Variants in LIFR observed in about 807,000 individuals in gnomAD.
LIFR encodes LIF receptor subunit alpha, also known as leukemia inhibitory factor receptor.
LIFR carries 84 observed loss-of-function variants against 122.2 expected under a neutral mutation model. That is an observed-to-expected ratio of 0.69 (90% CI 0.58 to 0.82). LIFR has a LOEUF of 0.82. LIFR is among the 40% of genes least tolerant of loss of function. LIFR has a pLI of 0.00. For synonymous variants in LIFR, 422 were observed against 434.7 expected, an observed-to-expected ratio of 0.97 and a Z score of 0.36; for missense variants, 1,294 against 1,311.6, an observed-to-expected ratio of 0.99 and a Z score of 0.21.
chr5:38,597,985 G>A (rs892746272), upstream of LIFR, among the ~76,000 whole-genome samples: 12 of 151,706 alleles, frequency 7.9e-5, no homozygotes, highest in Non-Finnish European at 1.6e-4. Flanking sequence ...GGGTGCTTGG[G>A]AAAATAATGT....
chr5:38,526,435 GTGTGTGTA>G (rs1290413433), intron 4 of LIFR, among the ~76,000 whole-genome samples: 8 of 150,494 alleles, frequency 5.3e-5, no homozygotes, highest in African/African-American at 9.7e-5. Context: ...GTGTGTGTGT[GTGTGTGTA>G]TATATATATA....
chr5:38,540,608 C>T lies in LIFR; in HGVS notation c.-19-9942G>A, dbSNP rs534447182. Among the ~76,000 whole-genome samples, 17 of 152,304 alleles carry T rather than the reference C, an allele frequency of 1.1e-4. No individual in the cohort carries two copies. The South Asian group carries it at 3.5e-3, about 32-fold the overall frequency. ...TGACACAGGCTGGCGGGCAGCCCCTCGCCAGCTCCTTGTGTCTGTATTACA... is the reference window on the plus strand; with the variant it reads ...TGACACAGGCTGGCGGGCAGCCCCTTGCCAGCTCCTTGTGTCTGTATTACA... On this transcript the variant is annotated intron_variant, in intron 1 of 19. Transcript: ENST00000453190.
At chr5:38,510,773 C>T (rs1745759804) in intron 6 of LIFR, 55 bp from the exon 7 acceptor site, 1 of 1,465,670 alleles carries the variant, frequency 6.8e-7, no homozygotes, top group Admixed American at 1.8e-5. Context: ...TTTACATAAA[C>T]TTTTCTGCAT....
chr5:38,517,098 C>T (rs576555330), intron 5 of LIFR, among the ~76,000 whole-genome samples: 1 of 151,934 alleles, frequency 6.6e-6, no homozygotes, highest in Non-Finnish European at 1.5e-5. Context: ...GGAGAAATAC[C>T]GAATGTAGAT....
At chr5:38,497,653 C>T (rs958785544) in intron 12 of LIFR, among the ~76,000 whole-genome samples, 4 of 152,084 alleles carry the variant, frequency 2.6e-5, no homozygotes, top group African/African-American at 7.2e-5. Context: ...CATATTCCCA[C>T]CTCTTAAGTA....
chr5:38,516,602 G>A (rs1378725830), intron 5 of LIFR, among the ~76,000 whole-genome samples: 1 of 152,198 alleles, frequency 6.6e-6, no homozygotes, highest in African/African-American at 2.4e-5. Flanking sequence ...CTTTTACACT[G>A]TTGGTGGGAG....
At chr5:38,554,588 AG>A (rs1748413094) in intron 1 of LIFR, among the ~76,000 whole-genome samples, 1 of 152,212 alleles carries the variant, frequency 6.6e-6, no homozygotes, top group Admixed American at 6.5e-5. Flanking sequence ...GCCATGATTT[AG>A]TACTCTGGGG....
At chr5:38,496,622 A>C (rs1267247679) in intron 12 of LIFR, 27 bp from the exon 13 acceptor site, 10 of 1,501,554 alleles carry the variant, frequency 6.7e-6, no homozygotes, top group Non-Finnish European at 9.3e-6. Context: ...AATTGTTATA[A>C]AACCCTGCAA....
intron 7 of LIFR, 30 bp from the exon 8 acceptor site, chr5:38,506,662 A>AT (rs748955339): frequency 6.3e-7 from 1 of 1,579,014 alleles, no homozygotes; most frequent in South Asian, 1.1e-5. Flanking sequence ...GGTACTTATG[A>AT]TTACATATAT....
At chr5:38,598,228 T>A (rs1561235393), upstream of LIFR, among the ~76,000 whole-genome samples, 6 of 48,122 alleles carry the variant, frequency 1.2e-4, no homozygotes, top group African/African-American at 6.0e-4. Context: ...TTTTTTTTTT[T>A]TTTTATTTAT....
intron 1 of LIFR, among the ~76,000 whole-genome samples, chr5:38,583,503 A>G (rs1749652731): frequency 1.3e-5 from 2 of 152,214 alleles, no homozygotes; most frequent in Non-Finnish European, 2.9e-5. Context: ...ACAGTCAACA[A>G]AAAGAAAAGG....
At chr5:38,576,085 T>C (rs1749374204) in intron 1 of LIFR, among the ~76,000 whole-genome samples, 1 of 152,128 alleles carries the variant, frequency 6.6e-6, no homozygotes. Context: ...ATGCCGTGGT[T>C]TAATCAGCCA....
intron 17 of LIFR, 154 bp downstream of exon 17, chr5:38,485,665 C>T (rs1255636493): frequency 8.3e-6 from 6 of 721,138 alleles, no homozygotes; most frequent in Non-Finnish European, 1.5e-5. Context: ...AGTAATCTTA[C>T]AGCTTTTTAA....
chr5:38,556,701 G>GGCCCC (rs1375094789), upstream of LIFR: 92 of 144,634 alleles, frequency 6.4e-4, no homozygotes, highest in African/African-American at 2.1e-3. Context: ...CAGCGGGCCC[G>GGCCCC]GCCCCGCCCC....
At chr5:38,543,975 A>G (rs988585185) in intron 1 of LIFR, among the ~76,000 whole-genome samples, 1 of 151,994 alleles carries the variant, frequency 6.6e-6, no homozygotes, top group Non-Finnish European at 1.5e-5. Flanking sequence ...CCCTCTCAAA[A>G]TATAGCTAAT....
chr5:38,546,571 G>C (rs916390526), intron 1 of LIFR, among the ~76,000 whole-genome samples: 1 of 152,134 alleles, frequency 6.6e-6, no homozygotes, highest in Non-Finnish European at 1.5e-5. Flanking sequence ...AAGAACATGT[G>C]TTCTGGAGTT....
intron 14 of LIFR, among the ~76,000 whole-genome samples, chr5:38,491,296 A>G (rs1413744626): frequency 1.3e-5 from 2 of 152,246 alleles, no homozygotes; most frequent in Non-Finnish European, 2.9e-5. Context: ...CAACACAGAC[A>G]TGCACAAAAC....
In LIFR at chr5:38,543,719, T is replaced by C. The variant is rs73079427; in HGVS notation, c.-20+12615A>G. Among the ~76,000 whole-genome samples, 678 of 152,304 alleles carry C rather than the reference T, an allele frequency of 4.5e-3. 6 individuals carry two copies. The highest frequency in any genetic ancestry group is 0.015 in the African/African-American group (631 of 41,558). ...AAAGAAGATGACATCTCTGCATGCATTCCAGCCCACTTCTCTCTTTCTGTA... is the reference window on the plus strand; with the variant it reads ...AAAGAAGATGACATCTCTGCATGCACTCCAGCCCACTTCTCTCTTTCTGTA... On this transcript the variant is annotated intron_variant, in intron 1 of 19. Coordinates refer to ENST00000453190, the MANE Select transcript of LIFR (RefSeq NM_001127671.2).
rs539171382 is a variant in LIFR at position 38,603,370 on chromosome 5, C to T, written n.305+2835G>A. 2.9e-3 allele frequency among the ~76,000 whole-genome samples: 440 copies of T among 152,284 alleles called. 4 individuals carry two copies. The highest frequency in any genetic ancestry group is 0.01 in the African/African-American group (419 of 41,556). ...TAACTGAGATACCTTCCACCAGTCA[C>T]ACTATGAGTTATTTTAAAAGGTATT... On this transcript the variant is annotated intron_variant and non_coding_transcript_variant, in intron 2 of 3. Transcript: ENST00000507786.
Sources: gnomAD v4.1 joint callset for allele counts (sites outside exome capture counted in the v4.1 genomes callset) on GRCh38, gnomAD v4.1.1 for gene constraint, MANE v1.5 for transcripts, NCBI Gene and HGNC (gene_info 2026-07-23, HGNC 2026-07-21) for gene names.